The following INPP4B variants were observed in gnomAD, a reference collection of about 807,000 sequenced individuals.
INPP4B encodes inositol polyphosphate-4-phosphatase type II B.
A neutral mutation model predicts 122.5 loss-of-function variants in INPP4B; 55 were observed. The ratio of observed to expected loss-of-function variants is 0.45; its 90% CI spans 0.36 to 0.56. INPP4B has a LOEUF of 0.56. Ranked by LOEUF, INPP4B falls within the 20% of genes least tolerant of loss-of-function variation. The pLI is 0.00. For missense variants in INPP4B, 1,000 were observed against 1,097.7 expected, an observed-to-expected ratio of 0.91 and a Z score of 1.26; for synonymous variants, 403 against 388.7, an observed-to-expected ratio of 1.04 and a Z score of -0.43.
At chr4:142,376,936 C>T (rs1426471037) in intron 7 of INPP4B, among the ~76,000 whole-genome samples, 1 of 151,934 alleles carries the variant, frequency 6.6e-6, no homozygotes, top group Non-Finnish European at 1.5e-5. Flanking sequence ...TTTATTTGTT[C>T]TCTATTTTAT....
chr4:142,476,457 A>C (rs1053988927), intron 2 of INPP4B, among the ~76,000 whole-genome samples: 1 of 152,162 alleles, frequency 6.6e-6, no homozygotes, highest in East Asian at 1.9e-4. Context: ...AGCTAACAAC[A>C]CAAGGACAGG....
chr4:142,102,513 G>T (rs887261836), intron 23 of INPP4B, among the ~76,000 whole-genome samples: 2 of 143,904 alleles, frequency 1.4e-5, no homozygotes, highest in Admixed American at 1.5e-4. Flanking sequence ...CCAAAGGAGC[G>T]TGAGAGACGT....
chr4:142,201,808 C>T (rs1872298), intron 14 of INPP4B, among the ~76,000 whole-genome samples: 3,013 of 151,968 alleles, frequency 0.02, 49 homozygotes, highest in Middle Eastern at 0.034. Flanking sequence ...CGGTAAAATC[C>T]GTATTATCAT....
intron 17 of INPP4B, among the ~76,000 whole-genome samples, chr4:142,152,007 C>T (rs1467055539): frequency 6.6e-6 from 1 of 150,794 alleles, no homozygotes; most frequent in Non-Finnish European, 1.5e-5. Context: ...CCTTTCAAAT[C>T]TCACCATCTC....
At chr4:142,299,868 T>C (rs1408483422) in intron 9 of INPP4B, among the ~76,000 whole-genome samples, 2 of 151,868 alleles carry the variant, frequency 1.3e-5, no homozygotes, top group African/African-American at 2.4e-5. Context: ...CACATGACTA[T>C]TAAGGGGCTT....
chr4:142,801,176 G>T (rs952865242), intron 1 of INPP4B, among the ~76,000 whole-genome samples: 2 of 152,158 alleles, frequency 1.3e-5, no homozygotes, highest in African/African-American at 4.8e-5. Flanking sequence ...GTCAAAAGCG[G>T]AAAACAGGTG....
At chr4:142,827,157 T>C (rs1366206767) in intron 1 of INPP4B, among the ~76,000 whole-genome samples, 1 of 152,200 alleles carries the variant, frequency 6.6e-6, no homozygotes, top group East Asian at 1.9e-4. Flanking sequence ...AGCTTGTTCT[T>C]CATACTATCC....
At chr4:142,235,375 T>C (rs569653932) in intron 12 of INPP4B, among the ~76,000 whole-genome samples, 1 of 150,900 alleles carries the variant, frequency 6.6e-6, no homozygotes, top group Non-Finnish European at 1.5e-5. Flanking sequence ...TAATATATTA[T>C]GTTAATGAAT....
intron 2 of INPP4B, among the ~76,000 whole-genome samples, chr4:142,603,524 G>A (rs977373753): frequency 1.3e-5 from 2 of 151,766 alleles, no homozygotes; most frequent in East Asian, 3.9e-4. Flanking sequence ...ATTAAAAAAG[G>A]TGATATTACA....
rs1471993580 is a variant in INPP4B, at chr4:142,024,395, TC to T, written c.*4386del. 2 of 152,142 alleles carry T rather than the reference TC, an allele frequency of 1.3e-5. No homozygotes were observed. The highest frequency in any genetic ancestry group is 4.8e-5 in the African/African-American group (2 of 41,436). 9.4% of individuals were successfully genotyped at this position (152,142 alleles called of 1,614,324 possible). ...AGCTACACATCTCTCACCAAATCAT[TC>T]TTTTTGGTCGTGCATAATTTTTAAG... is the stretch of plus-strand genomic sequence containing the variant. On this transcript the variant is annotated 3_prime_UTR_variant, in exon 26 of 26. Transcript: ENST00000262992.
intron 7 of INPP4B, among the ~76,000 whole-genome samples, chr4:142,392,615 G>T (rs980579356): frequency 7.2e-5 from 11 of 152,146 alleles, no homozygotes; most frequent in African/African-American, 2.7e-4. Flanking sequence ...CATTTGTTAG[G>T]TCTATTTTCC....
At position 142,472,035 on chromosome 4, in the gene INPP4B, C is replaced by T. The variant is rs1356838689; in HGVS notation, c.-190-9309G>A. Among the ~76,000 whole-genome samples, 3 of 151,854 alleles carry T rather than the reference C, an allele frequency of 2.0e-5. No homozygotes were observed. In the East Asian group the frequency reaches 5.8e-4, roughly 29 times the overall value. On this transcript the variant is annotated intron_variant, in intron 2 of 25. Transcript: ENST00000262992. ...CAGTACGCTTATTGAGTAAGTTCACCCTGCTTAATGTTTTCAAAGGAATTC... is the reference window on the plus strand; with the variant it reads ...CAGTACGCTTATTGAGTAAGTTCACTCTGCTTAATGTTTTCAAAGGAATTC...
At chr4:142,442,411 C>CAAAA (rs70949167) in intron 3 of INPP4B, among the ~76,000 whole-genome samples, 1,597 of 78,042 alleles carry the variant, frequency 0.02, 98 homozygotes, top group Non-Finnish European at 0.022. Flanking sequence ...GACTCCATCT[C>CAAAA]AAAAAAAAAA....
chr4:142,255,570 C>T (rs1467889350), intron 11 of INPP4B, among the ~76,000 whole-genome samples: 1 of 152,124 alleles, frequency 6.6e-6, no homozygotes, highest in Non-Finnish European at 1.5e-5. Context: ...TCTGATAAAA[C>T]AGACTTTAAA....
chr4:142,488,969 T>C (rs1217881825), intron 2 of INPP4B, among the ~76,000 whole-genome samples: 2 of 152,138 alleles, frequency 1.3e-5, no homozygotes, highest in Non-Finnish European at 2.9e-5. Flanking sequence ...AAGTGTGCTA[T>C]CTTTTGTATT....
At chr4:142,145,383 G>C (rs895468627) in intron 18 of INPP4B, among the ~76,000 whole-genome samples, 3 of 152,064 alleles carry the variant, frequency 2.0e-5, no homozygotes, top group African/African-American at 7.2e-5. Context: ...ATGTTTTGGA[G>C]ATAATTTACA....
At chr4:142,739,566 TA>T (rs1767593533) in intron 1 of INPP4B, among the ~76,000 whole-genome samples, 1 of 151,912 alleles carries the variant, frequency 6.6e-6, no homozygotes, top group African/African-American at 2.4e-5. Context: ...ATTATCAATG[TA>T]ACATACTGGT....
At chr4:142,294,539 G>A (rs1448220972) in intron 9 of INPP4B, among the ~76,000 whole-genome samples, 1 of 151,932 alleles carries the variant, frequency 6.6e-6, no homozygotes, top group Admixed American at 6.6e-5. Context: ...GGGAAAAAGT[G>A]GACACGCACG....
At chr4:142,796,868 A>ATGTGTGTGTGTGTGTGTGTG (rs34860975) in intron 1 of INPP4B, among the ~76,000 whole-genome samples, 21 of 105,388 alleles carry the variant, frequency 2.0e-4, no homozygotes, top group African/African-American at 6.7e-4. Flanking sequence ...CGGAAAACAG[A>ATGTGTGTGTGTGTGTGTGTG]TGTGTGTGTG....
Sources: gnomAD v4.1 joint callset for allele counts (sites outside exome capture counted in the v4.1 genomes callset) on GRCh38, gnomAD v4.1.1 for gene constraint, MANE v1.5 for transcripts, NCBI Gene and HGNC (gene_info 2026-07-23, HGNC 2026-07-21) for gene names.